The following CHD6 variants were observed in gnomAD, a reference collection of about 807,000 sequenced individuals.
CHD6 encodes chromodomain helicase DNA binding protein 6, also known as ATP-dependent chromatin remodeler CHD6.
In CHD6, 50 loss-of-function variants were observed where a neutral mutation model predicts 276.9. The ratio of observed to expected loss-of-function variants is 0.18; its 90% CI spans 0.14 to 0.23. CHD6 has a LOEUF of 0.23. Among genes scored for constraint, CHD6 ranks in the 10% least tolerant of loss-of-function variants. The pLI is 1.00. For missense variants in CHD6, 2,564 were observed against 3,365.8 expected, an observed-to-expected ratio of 0.76 and a Z score of 5.89; for synonymous variants, 1,173 against 1,229.3, an observed-to-expected ratio of 0.95 and a Z score of 0.96.
At position 41,493,593 on chromosome 20, in the gene CHD6, G is replaced by T; in HGVS notation, c.1259C>A (p.Pro420His). The T allele has an allele frequency of 6.2e-7, 1 of 1,613,788 alleles. No homozygotes were observed. Among genetic ancestry groups the T allele is most frequent in the Non-Finnish European group, 8.5e-7 (1 of 1,179,816 alleles). ...AGATTCAAATTCTTTAACTTTTGCA[G>T]GATCTACATCTTCCTCTAGCTCCCA... is the stretch of plus-strand genomic sequence containing the variant. ...STWELEEDVD[P>H]AKVKEFESLQ... The change falls in exon 10 of 37, where the codon CCT (proline) becomes CAT (histidine). Residue 420 changes from proline (P) to histidine (H), a missense_variant. This residue lies in a region of CHD6 where 457 missense variants were observed against 889.0 expected (regional missense o/e 0.51). Transcript: ENST00000373233.
chr20:41,490,242 A>C (rs539722682), intron 11 of CHD6, among the ~76,000 whole-genome samples: 4 of 152,172 alleles, frequency 2.6e-5, no homozygotes, highest in Non-Finnish European at 5.9e-5. Flanking sequence ...GTCATGTGTC[A>C]CTTAAGGATG....
Position 41,403,899 on chromosome 20 carries a change from C to G in CHD6, c.*694G>C. 9.5e-7 allele frequency: 1 copy of G among 1,056,248 alleles called. No individual in the cohort carries two copies. Among genetic ancestry groups the G allele is most frequent in the Non-Finnish European group, 1.1e-6 (1 of 873,664 alleles). The allele number at this position is 1,056,248 out of a possible 1,614,324, so 65.4% of individuals were successfully genotyped here. On this transcript the variant is annotated 3_prime_UTR_variant, in exon 37 of 37. Coordinates refer to ENST00000373233, the MANE Select transcript of CHD6 (RefSeq NM_032221.5). Reference sequence around the variant, plus strand: ...TCTCGCAGCAAGAGGAATCTTTTCACTGGTGAGAGGGATGTATAGAAAATA... The same window carrying G: ...TCTCGCAGCAAGAGGAATCTTTTCAGTGGTGAGAGGGATGTATAGAAAATA...
chr20:41,547,699 A>C, intron 2 of CHD6: 1 of 702,336 alleles, frequency 1.4e-6, no homozygotes, highest in South Asian at 1.3e-5. Context: ...ATAGACAGAA[A>C]GAAACAGAAA....
intron 2 of CHD6, among the ~76,000 whole-genome samples, chr20:41,550,762 C>A (rs1306650272): frequency 6.6e-6 from 1 of 152,156 alleles, no homozygotes; most frequent in Non-Finnish European, 1.5e-5. Context: ...CATGGCATAG[C>A]AGTACCAACC....
At chr20:41,467,065 C>T (rs1029287212) in intron 17 of CHD6, among the ~76,000 whole-genome samples, 2 of 152,148 alleles carry the variant, frequency 1.3e-5, no homozygotes, top group African/African-American at 4.8e-5. Flanking sequence ...TATGATGTCA[C>T]CTCACTAGTC....
chr20:41,414,331 C>A (rs965731321), intron 34 of CHD6: 3 of 152,296 alleles, frequency 2.0e-5, no homozygotes, highest in Non-Finnish European at 2.9e-5. Context: ...TGCTTTAAAG[C>A]CTTATTTTCC....
intron 1 of CHD6, among the ~76,000 whole-genome samples, chr20:41,597,567 C>T (rs2045730722): frequency 6.6e-6 from 1 of 152,088 alleles, no homozygotes; most frequent in African/African-American, 2.4e-5. Context: ...TTATCTAGTG[C>T]TCCTAACGAC....
chr20:41,415,470 G>C lies in CHD6; in HGVS notation c.6655C>G (p.Leu2219Val). The change falls in exon 34 of 37, where the codon CTC (leucine) becomes GTC (valine). Residue 2219 changes from leucine (L) to valine (V), a missense_variant. Around this residue, in one of 7 missense-constraint regions of CHD6, gnomAD observed 1,024 missense variants for 1,047.9 expected, o/e 0.98. Coordinates refer to ENST00000373233, the MANE Select transcript of CHD6 (RefSeq NM_032221.5). ...GGGGACCCCTCTGATGAGCAGGAGA[G>C]GTCCATAGCTGACTCCCCATGCCAG... Reference protein sequence around the residue: ...NGWHGESAMDLSCSSEGSPGA... With the variant: ...NGWHGESAMDVSCSSEGSPGA... 6.2e-7 allele frequency: 1 copy of C among 1,613,344 alleles called. No homozygotes were observed. Among genetic ancestry groups the C allele is most frequent in the Non-Finnish European group, 8.5e-7 (1 of 1,179,664 alleles).
In CHD6 at chr20:41,551,369, C is replaced by G. The variant is rs1374407851; in HGVS notation, c.-23-9G>C. On this transcript the variant is annotated splice_polypyrimidine_tract_variant and intron_variant, in intron 1 of 36. Transcript: ENST00000373233. ...AAGGAAGATATTTATTTCTGTAAAACATTTTTAAAAAGGCAAAGATTATGA... is the reference window on the plus strand; with the variant it reads ...AAGGAAGATATTTATTTCTGTAAAAGATTTTTAAAAAGGCAAAGATTATGA... The G allele has an allele frequency of 2.3e-6, 3 of 1,287,620 alleles. No homozygotes were observed. Among genetic ancestry groups the G allele is most frequent in the Non-Finnish European group, 3.3e-6 (3 of 898,616 alleles). 79.8% of individuals were successfully genotyped at this position (1,287,620 alleles called of 1,614,324 possible).
intron 1 of CHD6, among the ~76,000 whole-genome samples, chr20:41,616,773 C>A (rs2045937793): frequency 1.3e-5 from 2 of 152,058 alleles, no homozygotes; most frequent in African/African-American, 4.8e-5. Context: ...AAACACAGAT[C>A]TCAAATCTTC....
At chr20:41,540,929 A>G (rs2044929183) in intron 2 of CHD6, among the ~76,000 whole-genome samples, 1 of 151,798 alleles carries the variant, frequency 6.6e-6, no homozygotes, top group South Asian at 2.1e-4. Flanking sequence ...AGCTAAAGTT[A>G]TTTCCTAATT....
intron 27 of CHD6, among the ~76,000 whole-genome samples, chr20:41,430,671 A>G (rs2047508229): frequency 6.6e-6 from 1 of 152,196 alleles, no homozygotes; most frequent in African/African-American, 2.4e-5. Context: ...AAATGAAGAC[A>G]GGGTGAGGTG....
At chr20:41,502,236 A>G (rs2043846909) in intron 5 of CHD6, among the ~76,000 whole-genome samples, 1 of 152,224 alleles carries the variant, frequency 6.6e-6, no homozygotes, top group Admixed American at 6.5e-5. Context: ...ATTTTCTAGT[A>G]GCCACATTAA....
chr20:41,486,452 G>T (rs962821992), intron 14 of CHD6, among the ~76,000 whole-genome samples: 1 of 152,152 alleles, frequency 6.6e-6, no homozygotes, highest in African/African-American at 2.4e-5. Flanking sequence ...AAAATCAATA[G>T]ATAGGGCAAA....
chr20:41,605,615 T>C (rs1307383374), intron 1 of CHD6, among the ~76,000 whole-genome samples: 1 of 152,180 alleles, frequency 6.6e-6, no homozygotes, highest in East Asian at 1.9e-4. Context: ...CTAAGGAGTT[T>C]TACACAAATA....
intron 5 of CHD6, among the ~76,000 whole-genome samples, chr20:41,506,273 T>G (rs1490602831): frequency 6.6e-6 from 1 of 152,206 alleles, no homozygotes. Context: ...CGCTTCTCTT[T>G]TAACTCAAAG....
At chr20:41,569,206 G>A (rs1165193305) in intron 1 of CHD6, among the ~76,000 whole-genome samples, 2 of 152,142 alleles carry the variant, frequency 1.3e-5, no homozygotes, top group Non-Finnish European at 2.9e-5. Flanking sequence ...AAATGTCCTG[G>A]TTCTCCCAAT....
chr20:41,573,509 G>A (rs907521840), intron 1 of CHD6, among the ~76,000 whole-genome samples: 1 of 152,130 alleles, frequency 6.6e-6, no homozygotes, highest in African/African-American at 2.4e-5. Context: ...ATTAAACCAT[G>A]TAAACATCCA....
intron 17 of CHD6, 39 bp from the exon 18 acceptor site, chr20:41,457,467 T>C (rs1048537346): frequency 2.5e-6 from 4 of 1,584,822 alleles, no homozygotes; most frequent in African/African-American, 1.3e-5. Flanking sequence ...CGTCACCGTA[T>C]GTATAAACGG....
Sources: gnomAD v4.1 joint callset for allele counts (sites outside exome capture counted in the v4.1 genomes callset) on GRCh38, gnomAD v4.1.1 for gene constraint, gnomAD v4.1.1 regional missense constraint, MANE v1.5 for transcripts, NCBI Gene and HGNC (gene_info 2026-07-23, HGNC 2026-07-21) for gene names.